Variants in CIMAP2 observed in about 807,000 individuals in gnomAD.
CIMAP2 encodes the protein ciliary microtubule-associated protein 2.
At chr1:54,835,409 A>T in the CIMAP2 span, among the ~76,000 whole-genome samples, 1 of 152,092 alleles carries the variant, frequency 6.6e-6, no homozygotes, top group South Asian at 2.1e-4. Flanking sequence ...GGCTGTTCTC[A>T]AACTCCTGGC....
At chr1:54,822,398 T>A in the CIMAP2 span, among the ~76,000 whole-genome samples, 3 of 151,128 alleles carry the variant, frequency 2.0e-5, no homozygotes, top group Non-Finnish European at 4.4e-5. Context: ...TTTTTTTCAG[T>A]CTCTATTTTG....
chr1:54,831,149 C>T, the CIMAP2 span, among the ~76,000 whole-genome samples: 1 of 152,124 alleles, frequency 6.6e-6, no homozygotes, highest in Admixed American at 6.5e-5. Context: ...TCTTCTGAAA[C>T]ATAAATGATA....
the CIMAP2 span, chr1:54,807,203 A>T: frequency 6.3e-6 from 7 of 1,109,688 alleles, no homozygotes; most frequent in Non-Finnish European, 9.6e-6. Context: ...TTCTTCCAGC[A>T]CAGAGCTGGA....
At chr1:54,807,965 G>C in the CIMAP2 span, 1 of 1,604,490 alleles carries the variant, frequency 6.2e-7, no homozygotes, top group South Asian at 1.1e-5. Context: ...TGTAGCACCC[G>C]GGGGCTGCTC....
the CIMAP2 span, chr1:54,811,765 G>GCGGGGGGGGGGGGGCCCC: frequency 1.5e-6 from 2 of 1,301,330 alleles, no homozygotes; most frequent in Non-Finnish European, 2.2e-6. Context: ...GGTTCTGACA[G>GCGGGGGGGGGGGGGCCCC]CCTCCATGCC....
At chr1:54,837,783 C>T in the CIMAP2 span, among the ~76,000 whole-genome samples, 1 of 152,132 alleles carries the variant, frequency 6.6e-6, no homozygotes, top group African/African-American at 2.4e-5. Context: ...GCAAGGAAGT[C>T]TGCTGGAATC....
the CIMAP2 span, chr1:54,807,579 G>A: frequency 6.2e-7 from 1 of 1,604,238 alleles, no homozygotes. Context: ...TCAGCAAGAA[G>A]AAGCTGATGA....
At chr1:54,813,942 C>T in the CIMAP2 span, 1 of 1,611,524 alleles carries the variant, frequency 6.2e-7, no homozygotes, top group East Asian at 2.2e-5. Flanking sequence ...AGAGGATTTA[C>T]TGGGCCAACC....
the CIMAP2 span, among the ~76,000 whole-genome samples, chr1:54,819,978 TTC>T: frequency 1.2e-4 from 13 of 110,552 alleles, no homozygotes; most frequent in Middle Eastern, 4.6e-3. Flanking sequence ...TTCTTTCTTT[TTC>T]TCTCTTTCTT....
the CIMAP2 span, among the ~76,000 whole-genome samples, chr1:54,833,612 G>C: frequency 1.3e-5 from 2 of 152,144 alleles, no homozygotes; most frequent in African/African-American, 4.8e-5. Context: ...TTTCCATTCT[G>C]TAGAGCTGTG....
At chr1:54,837,196 A>G in the CIMAP2 span, among the ~76,000 whole-genome samples, 1 of 151,986 alleles carries the variant, frequency 6.6e-6, no homozygotes, top group African/African-American at 2.4e-5. Context: ...TTCCTGTTGC[A>G]TATTTTGTTC....
At chr1:54,811,694 T>G in the CIMAP2 span, 1 of 1,372,158 alleles carries the variant, frequency 7.3e-7, no homozygotes, top group Non-Finnish European at 1.0e-6. Flanking sequence ...AAAATCCCAT[T>G]CCCTTCTTGG....
At chr1:54,806,071 C>G in the CIMAP2 span, 2 of 1,477,792 alleles carry the variant, frequency 1.4e-6, no homozygotes, top group Non-Finnish European at 1.8e-6. Context: ...TCACAAGGCC[C>G]GGGTTGCCGT....
the CIMAP2 span, chr1:54,813,892 G>A: frequency 6.2e-7 from 1 of 1,613,824 alleles, no homozygotes; most frequent in Non-Finnish European, 8.5e-7. Flanking sequence ...GAAGCATGGG[G>A]TTTTTTCTAA....
At chr1:54,806,939 C>T in the CIMAP2 span, 4 of 1,519,374 alleles carry the variant, frequency 2.6e-6, no homozygotes, top group Admixed American at 1.7e-5. Context: ...CAGAACTGCC[C>T]ACGCCAGGGC....
the CIMAP2 span, chr1:54,812,055 C>A: frequency 3.1e-6 from 5 of 1,614,054 alleles, no homozygotes; most frequent in East Asian, 6.7e-5. Context: ...GGGGAGTGGT[C>A]TGGGACCCGG....
the CIMAP2 span, among the ~76,000 whole-genome samples, chr1:54,810,315 CCTCT>C: frequency 7.5e-4 from 114 of 152,298 alleles, no homozygotes; most frequent in African/African-American, 2.7e-3. Flanking sequence ...ATGCAGTTTG[CCTCT>C]CTGAGACTCA....
the CIMAP2 span, among the ~76,000 whole-genome samples, chr1:54,831,349 G>A: frequency 6.6e-5 from 10 of 152,106 alleles, no homozygotes; most frequent in Non-Finnish European, 1.0e-4. Context: ...GAATTAACAT[G>A]GAGAGCTTAA....
At chr1:54,834,131 C>G in the CIMAP2 span, among the ~76,000 whole-genome samples, 4 of 152,150 alleles carry the variant, frequency 2.6e-5, no homozygotes, top group African/African-American at 9.7e-5. Context: ...AGCCACCATG[C>G]CTGGCCTATG....
Sources: allele counts gnomAD v4.1 joint callset (sites outside exome capture counted in the v4.1 genomes callset), GRCh38; gene constraint gnomAD v4.1.1; transcripts MANE v1.5; gene names NCBI Gene and HGNC (gene_info 2026-07-23, HGNC 2026-07-21).